Variants in DCLK1 observed in about 807,000 individuals in gnomAD.
DCLK1 encodes the protein serine/threonine-protein kinase DCLK1.
DCLK1 carries 16 observed loss-of-function variants against 86.2 expected under a neutral mutation model. That is an observed-to-expected ratio of 0.19 (90% CI 0.13 to 0.28). The LOEUF (loss-of-function observed/expected upper bound fraction) is 0.28. Ranked by LOEUF, DCLK1 falls within the 10% of genes least tolerant of loss-of-function variation. DCLK1 has a pLI of 1.00. For missense variants in DCLK1, 590 were observed against 940.2 expected, an observed-to-expected ratio of 0.63 and a Z score of 4.87; for synonymous variants, 369 against 370.5, an observed-to-expected ratio of 1.00 and a Z score of 0.05.
chr13:35,864,654 C>A (rs1288858693), intron 5 of DCLK1, among the ~76,000 whole-genome samples: 7 of 112,618 alleles, frequency 6.2e-5, no homozygotes, highest in South Asian at 2.7e-4. Flanking sequence ...TTTCTTCTCT[C>A]TTTTTTTTTT....
chr13:36,066,755 A>G (rs1459441632), intron 3 of DCLK1, among the ~76,000 whole-genome samples: 1 of 152,176 alleles, frequency 6.6e-6, no homozygotes, highest in Non-Finnish European at 1.5e-5. Flanking sequence ...AAGGACATGA[A>G]CAGACACTTC....
chr13:35,843,026 G>T (rs1210164779), intron 6 of DCLK1, among the ~76,000 whole-genome samples: 1 of 152,172 alleles, frequency 6.6e-6, no homozygotes, highest in African/African-American at 2.4e-5. Context: ...TTGCTCTTTA[G>T]AATTAACTTA....
intron 4 of DCLK1, among the ~76,000 whole-genome samples, chr13:35,898,423 G>T (rs1874133956): frequency 6.6e-6 from 1 of 152,158 alleles, no homozygotes; most frequent in African/African-American, 2.4e-5. Flanking sequence ...TGAAAAACTT[G>T]CTTTTACTAA....
chr13:36,025,220 G>A (rs189950875), intron 3 of DCLK1, among the ~76,000 whole-genome samples: 2 of 152,060 alleles, frequency 1.3e-5, no homozygotes, highest in East Asian at 1.9e-4. Context: ...CACCCGCTTC[G>A]GCCTCCCAAA....
At position 35,949,130 on chromosome 13, in the gene DCLK1, T is replaced by C. The variant is rs572156405; in HGVS notation, c.724-1673A>G. 4.6e-5 allele frequency among the ~76,000 whole-genome samples: 7 copies of C among 152,318 alleles called. No individual in the cohort carries two copies. In the South Asian group the frequency reaches 1.4e-3, roughly 32 times the overall value. On this transcript the variant is annotated intron_variant, in intron 3 of 16. Transcript: ENST00000360631. ...ATGATCTCCACCCAAATGTGAACAA[T>C]TAACCCAAAAGAGGAGTATCTCCTA...
intron 16 of DCLK1, among the ~76,000 whole-genome samples, chr13:35,785,411 T>C (rs751301617): frequency 1.3e-5 from 2 of 151,784 alleles, no homozygotes; most frequent in Non-Finnish European, 2.9e-5. Context: ...GAGTGTGCAA[T>C]AGCCCAGTGA....
chr13:35,917,768 T>C (rs1441902730), intron 4 of DCLK1, among the ~76,000 whole-genome samples: 3 of 150,594 alleles, frequency 2.0e-5, no homozygotes, highest in Non-Finnish European at 3.0e-5. Context: ...TTAGTTACCC[T>C]GGGAATATTT....
chr13:35,791,311 A>G, intron 16 of DCLK1, among the ~76,000 whole-genome samples: 1 of 152,084 alleles, frequency 6.6e-6, no homozygotes, highest in Admixed American at 6.6e-5. Flanking sequence ...TAAAGATTAA[A>G]CAAGCATGCA....
In DCLK1 at chr13:35,976,538, T is replaced by C. The variant is rs1020056393; in HGVS notation, c.724-29081A>G. ...AGCTTCTCCGAGGTTTTTTTTTTTT[T>C]TTTTTTTTTTGAGACGGAGTCTCGC... On this transcript the variant is annotated intron_variant, in intron 3 of 16. Coordinates refer to ENST00000360631, the MANE Select transcript of DCLK1 (RefSeq NM_001330071.2). Among the ~76,000 whole-genome samples, 3 of 123,216 alleles carry C rather than the reference T, an allele frequency of 2.4e-5. No homozygotes were observed. In the East Asian group the frequency reaches 6.7e-4, roughly 27 times the overall value. The allele number at this position is 123,216 out of a possible 152,430, so 80.8% of individuals were successfully genotyped here. A position where few individuals can be genotyped will look rare whatever the true frequency, so the allele number is the denominator to read the frequency against.
chr13:35,808,181 A>T, intron 14 of DCLK1, 43 bp downstream of exon 14: 3 of 1,530,076 alleles, frequency 2.0e-6, no homozygotes, highest in Non-Finnish European at 2.7e-6. Flanking sequence ...AATTCCGTTA[A>T]GACACACAGA....
At chr13:36,108,617 A>T (rs909639613) in intron 3 of DCLK1, among the ~76,000 whole-genome samples, 21 of 152,226 alleles carry the variant, frequency 1.4e-4, no homozygotes, top group African/African-American at 5.1e-4. Context: ...TGCCATGGAT[A>T]CATCTGTAGG....
intron 6 of DCLK1, chr13:35,848,435 G>A (rs1870371815): frequency 2.0e-6 from 2 of 985,224 alleles, no homozygotes; most frequent in Non-Finnish European, 2.4e-6. Context: ...AAAAGTAAAT[G>A]ATATATATAG....
chr13:36,103,830 T>C (rs192874637), intron 3 of DCLK1, among the ~76,000 whole-genome samples: 164 of 152,342 alleles, frequency 1.1e-3, no homozygotes, highest in African/African-American at 3.8e-3. Context: ...GCATCTCCTA[T>C]TGGCCCACCA....
intron 16 of DCLK1, among the ~76,000 whole-genome samples, chr13:35,785,086 G>A (rs1441842427): frequency 6.6e-6 from 1 of 152,130 alleles, no homozygotes; most frequent in Non-Finnish European, 1.5e-5. Context: ...CCACCCTTTT[G>A]TCCTAGCTCA....
chr13:36,089,858 G>A (rs1884753152), intron 3 of DCLK1, among the ~76,000 whole-genome samples: 1 of 152,182 alleles, frequency 6.6e-6, no homozygotes. Flanking sequence ...CCATTTGGCA[G>A]CATGAGGGAA....
chr13:35,953,565 G>A (rs1471357910), intron 3 of DCLK1, among the ~76,000 whole-genome samples: 2 of 151,914 alleles, frequency 1.3e-5, no homozygotes, highest in Non-Finnish European at 2.9e-5. Context: ...TTGTCATTAC[G>A]CACAGTCGTC....
intron 5 of DCLK1, among the ~76,000 whole-genome samples, chr13:35,869,299 T>C (rs1020680850): frequency 2.0e-5 from 3 of 152,224 alleles, no homozygotes; most frequent in African/African-American, 4.8e-5. Context: ...GGAGAGACTT[T>C]CCCTGACATC....
intron 10 of DCLK1, among the ~76,000 whole-genome samples, chr13:35,824,761 G>A (rs141107304): frequency 9.2e-4 from 140 of 152,294 alleles, no homozygotes; most frequent in Non-Finnish European, 1.6e-3. Context: ...CCGAAAGGAG[G>A]AGGCTTTCTA....
intron 11 of DCLK1, among the ~76,000 whole-genome samples, chr13:35,811,822 G>A (rs554133280): frequency 2.0e-5 from 3 of 150,558 alleles, no homozygotes; most frequent in South Asian, 2.1e-4. Context: ...CAACAAGAGC[G>A]AAAATCTGTC....
Sources: gnomAD v4.1 joint callset for allele counts (sites outside exome capture counted in the v4.1 genomes callset) on GRCh38, gnomAD v4.1.1 for gene constraint, MANE v1.5 for transcripts, NCBI Gene and HGNC (gene_info 2026-07-23, HGNC 2026-07-21) for gene names.